Variants in PRRC2B observed in about 807,000 individuals in gnomAD.
PRRC2B encodes protein PRRC2B.
A neutral mutation model predicts 242.3 loss-of-function variants in PRRC2B; 68 were observed. The observed-to-expected ratio is 0.28, with a 90% CI of 0.23 to 0.34. The LOEUF (loss-of-function observed/expected upper bound fraction) is 0.34, where lower values mean the gene tolerates loss of function less well. Among genes scored for constraint, PRRC2B ranks in the 10% least tolerant of loss-of-function variants. The probability of loss-of-function intolerance (pLI) is 1.00; values close to 1 mark genes in which losing one functional copy is unlikely to be tolerated. For missense variants in PRRC2B, 2,835 were observed against 2,954.8 expected (o/e 0.96, Z 0.94); for synonymous variants, 1,228 against 1,173.6 (o/e 1.05, Z -0.95).
intron 1 of PRRC2B, among the ~76,000 whole-genome samples, chr9:131,410,512 G>T (rs1299934744): frequency 2.6e-5 from 4 of 152,190 alleles, no homozygotes; most frequent in Non-Finnish European, 5.9e-5. Context: ...TTCTTCCAGT[G>T]CCCAACACTG....
chr9:131,473,352 G>A (rs542164285), intron 14 of PRRC2B, among the ~76,000 whole-genome samples, 156 bp from the exon 15 acceptor site: 2 of 152,302 alleles, frequency 1.3e-5, no homozygotes, highest in East Asian at 3.9e-4. Flanking sequence ...CTCAGGTCAG[G>A]AAAGATTAAG....
chr9:131,383,891 G>A (rs1836794093), intron 1 of PRRC2B, among the ~76,000 whole-genome samples: 1 of 151,684 alleles, frequency 6.6e-6, no homozygotes, highest in East Asian at 1.9e-4. Flanking sequence ...AAAGTGCTGG[G>A]ATTACAGGCA....
At chr9:131,467,066 G>T (rs1943416892) in intron 12 of PRRC2B, among the ~76,000 whole-genome samples, 1 of 152,018 alleles carries the variant, frequency 6.6e-6, no homozygotes, top group Non-Finnish European at 1.5e-5. Flanking sequence ...CTCCCAAAGT[G>T]CTGGGATTAC....
At chr9:131,412,058 C>T (rs1017789411) in intron 1 of PRRC2B, among the ~76,000 whole-genome samples, 2 of 152,006 alleles carry the variant, frequency 1.3e-5, no homozygotes, top group Non-Finnish European at 2.9e-5. Context: ...CCTCTCACTT[C>T]GGACTCTCAG....
intron 9 of PRRC2B, among the ~76,000 whole-genome samples, chr9:131,452,898 T>C (rs991117495): frequency 2.0e-5 from 3 of 152,252 alleles, no homozygotes; most frequent in African/African-American, 7.2e-5. Flanking sequence ...GTATATATTC[T>C]ACAGTTGTTG....
In PRRC2B at chr9:131,436,629, G is replaced by A. The variant is rs1264402181; in HGVS notation, c.303G>A (p.Ala101=). The A allele has an allele frequency of 3.7e-6, 6 of 1,613,524 alleles. No homozygotes were observed. Among genetic ancestry groups the A allele is most frequent in the East Asian group, 4.5e-5 (2 of 44,896 alleles). Residue 101 remains alanine, a synonymous_variant, in exon 4 of 32, where the codon GCG becomes GCA. Transcript: ENST00000683519. ...QDQQDPKSSS[A]TASQPPESLP... ...CCCTGCCTTTGTCTAGTTCCAGTGCGACGGCCTCTCAGCCGCCGGAGTCGC... is the reference window on the plus strand; with the variant it reads ...CCCTGCCTTTGTCTAGTTCCAGTGCAACGGCCTCTCAGCCGCCGGAGTCGC...
At chr9:131,386,506 A>G (rs1441408410) in intron 1 of PRRC2B, among the ~76,000 whole-genome samples, 2 of 150,276 alleles carry the variant, frequency 1.3e-5, no homozygotes, top group African/African-American at 4.9e-5. Flanking sequence ...CCCGAGGAAC[A>G]GAGCCTTTGA....
At chr9:131,398,418 C>G (rs1837129118) in intron 1 of PRRC2B, among the ~76,000 whole-genome samples, 1 of 152,240 alleles carries the variant, frequency 6.6e-6, no homozygotes, top group Non-Finnish European at 1.5e-5. Context: ...GCATTGCGTG[C>G]AGCAGGAGTA....
intron 19 of PRRC2B, among the ~76,000 whole-genome samples, chr9:131,481,419 A>G (rs1943864046): frequency 6.6e-6 from 1 of 152,204 alleles, no homozygotes; most frequent in Non-Finnish European, 1.5e-5. Context: ...CATAGCGGAA[A>G]TAACGACAGA....
chr9:131,451,256 G>A (rs961583428), intron 9 of PRRC2B, among the ~76,000 whole-genome samples: 4 of 152,096 alleles, frequency 2.6e-5, no homozygotes, highest in Admixed American at 2.0e-4. Context: ...AAAATTAGCC[G>A]GGCGTGTTGG....
In PRRC2B at chr9:131,446,654, G is replaced by T; in HGVS notation, c.855+12G>T. 6.2e-7 allele frequency: 1 copy of T among 1,613,098 alleles called. No individual in the cohort carries two copies. ...TGCTTCCTGCTTTTGTAAGTCTTCA[G>T]AGTGTACTTTTTTTCCCCCCATGAA... is the stretch of plus-strand genomic sequence containing the variant. On this transcript the variant is annotated intron_variant, in intron 7 of 31. Coordinates refer to ENST00000683519, the MANE Select transcript of PRRC2B (RefSeq NM_013318.4). This position sits in a 1 kb window ranked among gnomAD's most constrained non-coding sequence, Gnocchi z 4.1.
chr9:131,480,350 C>G (rs1338472330), intron 19 of PRRC2B, among the ~76,000 whole-genome samples: 1 of 152,238 alleles, frequency 6.6e-6, no homozygotes, highest in African/African-American at 2.4e-5. Context: ...AAAGGAAGCA[C>G]AACCATTTGA....
upstream of PRRC2B, among the ~76,000 whole-genome samples, chr9:131,389,434 T>C (rs1347643412): frequency 3.3e-5 from 5 of 150,340 alleles, 1 homozygote; most frequent in Non-Finnish European, 7.4e-5. Context: ...TAGGATCACA[T>C]GCATGAGCCA....
At chr9:131,399,191 CA>C (rs1308959834) in intron 1 of PRRC2B, among the ~76,000 whole-genome samples, 1 of 146,510 alleles carries the variant, frequency 6.8e-6, no homozygotes, top group Non-Finnish European at 1.5e-5. Flanking sequence ...GCTGGAGAAT[CA>C]CTTAAACCTG....
Position 131,426,367 on chromosome 9 carries a change from GAAA to G in PRRC2B, c.-51-3722_-51-3720del, listed in dbSNP as rs1236522899. Among the ~76,000 whole-genome samples, 763 of 139,678 alleles carry G rather than the reference GAAA, an allele frequency of 5.5e-3. 11 individuals are homozygous for G. Among genetic ancestry groups the G allele is most frequent in the African/African-American group, 0.019 (715 of 38,168 alleles). 91.6% of individuals were successfully genotyped at this position (139,678 alleles called of 152,430 possible). On this transcript the variant is annotated intron_variant, in intron 1 of 31. Coordinates refer to ENST00000683519, the MANE Select transcript of PRRC2B (RefSeq NM_013318.4). Reference sequence around the variant, plus strand: ...AAAAAAAAAAAAAAAAAAAGAAAAAGAAAAAAAGAAGAAGAAGAAAGGAAAATC... The same window carrying G: ...AAAAAAAAAAAAAAAAAAAGAAAAAGAAAAGAAGAAGAAGAAAGGAAAATC...
At chr9:131,445,567 A>T (rs1838772330) in intron 6 of PRRC2B, among the ~76,000 whole-genome samples, 1 of 152,234 alleles carries the variant, frequency 6.6e-6, no homozygotes, top group African/African-American at 2.4e-5. Flanking sequence ...TCTAAGCATC[A>T]GTTTAATCTC....
In PRRC2B at chr9:131,388,065, G is replaced by A. The variant is rs994658591; in HGVS notation, c.-56+14334G>A. Among the ~76,000 whole-genome samples, 32 of 149,644 alleles carry A rather than the reference G, an allele frequency of 2.1e-4. 3 individuals are homozygous for A. Among genetic ancestry groups the A allele is most frequent in the Admixed American group, 1.0e-3 (15 of 14,354 alleles). ...AAGTTAGCTGGGTGCGATGGCACAC[G>A]CTATGTAGGAGGCTGAGGCATGAGA... On this transcript the variant is annotated intron_variant, in intron 1 of 1. Coordinates refer to the PRRC2B transcript ENST00000682525.
intron 9 of PRRC2B, among the ~76,000 whole-genome samples, chr9:131,449,614 A>G (rs1490976566): frequency 6.6e-6 from 1 of 152,192 alleles, no homozygotes; most frequent in Non-Finnish European, 1.5e-5. Flanking sequence ...TAAAAAATTG[A>G]GTGGTAGGGT....
chr9:131,447,210 A>G lies in PRRC2B; in HGVS notation c.977+4A>G, dbSNP rs1249129409. On this transcript the variant is annotated splice_donor_region_variant and intron_variant, in intron 8 of 31. Transcript: ENST00000683519. Reference sequence around the variant, plus strand: ...TCCAGATGAATGACCAAGACGGGTGAGTCCATTGCATTACAGTCACGTGTG... The same window carrying G: ...TCCAGATGAATGACCAAGACGGGTGGGTCCATTGCATTACAGTCACGTGTG... The G allele has an allele frequency of 6.2e-7, 1 of 1,613,936 alleles. No homozygotes were observed.
Sources: gnomAD v4.1 joint callset for allele counts (sites outside exome capture counted in the v4.1 genomes callset) on GRCh38, gnomAD v4.1.1 for gene constraint, Gnocchi (gnomAD v3.1) non-coding constraint, MANE v1.5 for transcripts, NCBI Gene and HGNC (gene_info 2026-07-23, HGNC 2026-07-21) for gene names.